The following LLPH variants were observed in gnomAD, a reference collection of about 807,000 sequenced individuals.
LLPH encodes the protein LLP homolog, long-term synaptic facilitation factor.
A neutral mutation model predicts 13.3 loss-of-function variants in LLPH; 5 were observed. That is an observed-to-expected ratio of 0.38 (90% CI 0.20 to 0.79). The LOEUF (loss-of-function observed/expected upper bound fraction) is 0.79, where lower values mean the gene tolerates loss of function less well. LLPH is among the 30% of genes least tolerant of loss of function. The probability of loss-of-function intolerance (pLI) is 0.45; values close to 1 mark genes in which losing one functional copy is unlikely to be tolerated. For missense variants in LLPH, 129 were observed against 152.1 expected, an observed-to-expected ratio of 0.85 and a Z score of 0.80; for synonymous variants, 32 against 44.2, an observed-to-expected ratio of 0.72 and a Z score of 1.09.
At position 66,119,650 on chromosome 12, in the gene LLPH, T is replaced by A. The variant is rs1340310304; in HGVS notation, c.*4190A>T. 1 of 152,242 alleles carries A rather than the reference T, an allele frequency of 6.6e-6. No homozygotes were observed. Among genetic ancestry groups the A allele is most frequent in the Non-Finnish European group, 1.5e-5 (1 of 68,044 alleles). 9.4% of individuals were successfully genotyped at this position (152,242 alleles called of 1,614,324 possible). A position where few individuals can be genotyped will look rare whatever the true frequency, so the allele number is the denominator to read the frequency against. On this transcript the variant is annotated 3_prime_UTR_variant, in exon 3 of 3. Coordinates refer to ENST00000266604, the MANE Select transcript of LLPH (RefSeq NM_032338.4). ...CCAGATGGCATCAGAAGTTAGTCAC[T>A]TAACTAGTAAGATTAGCCAACAGCT... is the stretch of plus-strand genomic sequence containing the variant.
chr12:66,124,504 T>C (rs1245878787), intron 2 of LLPH, among the ~76,000 whole-genome samples: 2 of 152,216 alleles, frequency 1.3e-5, no homozygotes, highest in Non-Finnish European at 2.9e-5. Context: ...GGACACATCC[T>C]GGGGCTGGCA....
chr12:66,128,456 G>C (rs796661507), intron 2 of LLPH, among the ~76,000 whole-genome samples: 9 of 152,232 alleles, frequency 5.9e-5, no homozygotes, highest in African/African-American at 2.2e-4. Context: ...AGGACTCATA[G>C]AATGGGAATT....
At chr12:66,125,903 T>C (rs921037726) in intron 2 of LLPH, among the ~76,000 whole-genome samples, 16 of 152,116 alleles carry the variant, frequency 1.1e-4, no homozygotes, top group Admixed American at 7.2e-4. Flanking sequence ...AGATAATACA[T>C]ACCATAAATA....
intron 1 of LLPH, among the ~76,000 whole-genome samples, chr12:66,129,390 C>T (rs201940711): frequency 6.3e-5 from 9 of 143,636 alleles, no homozygotes; most frequent in African/African-American, 1.8e-4. Context: ...TGTCTTTTTT[C>T]TTTTTTTTTT....
In LLPH at chr12:66,121,341, G is replaced by A. The variant is rs1342259388; in HGVS notation, c.*2499C>T. ...CTTCTTGCTCAGGCTGGAGTGCAAT[G>A]GTGTGGTCTTGACTCACTGCAACCT... is the stretch of plus-strand genomic sequence containing the variant. On this transcript the variant is annotated 3_prime_UTR_variant, in exon 3 of 3. Coordinates refer to ENST00000266604, the MANE Select transcript of LLPH (RefSeq NM_032338.4). The A allele has an allele frequency of 6.9e-6, 1 of 143,908 alleles. No individual in the cohort carries two copies. The highest frequency in any genetic ancestry group is 1.5e-5 in the Non-Finnish European group (1 of 67,198). 8.9% of individuals were successfully genotyped at this position (143,908 alleles called of 1,614,324 possible). A position where few individuals can be genotyped will look rare whatever the true frequency, so the allele number is the denominator to read the frequency against.
chr12:66,123,506 T>A lies in LLPH; in HGVS notation c.*334A>T, dbSNP rs2136827690. 1 of 229,252 alleles carries A rather than the reference T, an allele frequency of 4.4e-6. No individual in the cohort carries two copies. Among genetic ancestry groups the A allele is most frequent in the Middle Eastern group, 1.6e-3 (1 of 630 alleles). 14.2% of individuals were successfully genotyped at this position (229,252 alleles called of 1,614,324 possible). A position where few individuals can be genotyped will look rare whatever the true frequency, so the allele number is the denominator to read the frequency against. ...TTCACAAAAATTTGTCAGTACATCA[T>A]CTGTTTTATCTCTATTGACTATAAT... On this transcript the variant is annotated 3_prime_UTR_variant, in exon 3 of 3. Transcript: ENST00000266604.
At chr12:66,128,579 C>T (rs12825992) in intron 2 of LLPH, among the ~76,000 whole-genome samples, 11,664 of 152,136 alleles carry the variant, frequency 0.077, 1,026 homozygotes, top group East Asian at 0.51. Flanking sequence ...ACTGTTTATT[C>T]CTGAGACATG....
chr12:66,121,083 CT>C lies in LLPH; in HGVS notation c.*2756del, dbSNP rs921932536. On this transcript the variant is annotated 3_prime_UTR_variant, in exon 3 of 3. Transcript: ENST00000266604. ...TCAAGTTAAATCCTGAATGGACAAA[CT>C]TCATGACTGGACACAATGAAGTGAA... 84 of 152,250 alleles carry C rather than the reference CT, an allele frequency of 5.5e-4. No homozygotes were observed. The highest frequency in any genetic ancestry group is 1.8e-3 in the African/African-American group (75 of 41,536). The allele number at this position is 152,250 out of a possible 1,614,324, so 9.4% of individuals were successfully genotyped here.
At chr12:66,127,575 T>G (rs1205164917) in intron 2 of LLPH, among the ~76,000 whole-genome samples, 2 of 152,182 alleles carry the variant, frequency 1.3e-5, no homozygotes, top group African/African-American at 4.8e-5. Context: ...GAAAGTGTTT[T>G]GGAACTAGAG....
At chr12:66,125,631 A>C (rs369437430) in intron 2 of LLPH, among the ~76,000 whole-genome samples, 21 of 152,280 alleles carry the variant, frequency 1.4e-4, no homozygotes, top group African/African-American at 5.1e-4. Context: ...AGGAAAAAAA[A>C]AGACTTAACA....
chr12:66,123,694 G>A lies in LLPH; in HGVS notation c.*146C>T. ...TCCCAAAACAAACTTGAGGAGTTATGCTGGGTTTGAATTGAAGAAAAAAGG... is the reference window on the plus strand; with the variant it reads ...TCCCAAAACAAACTTGAGGAGTTATACTGGGTTTGAATTGAAGAAAAAAGG... On this transcript the variant is annotated 3_prime_UTR_variant, in exon 3 of 3. Transcript: ENST00000266604. 1.4e-6 allele frequency: 1 copy of A among 736,402 alleles called. No homozygotes were observed. Among genetic ancestry groups the A allele is most frequent in the Non-Finnish European group, 2.2e-6 (1 of 451,318 alleles). 45.6% of individuals were successfully genotyped at this position (736,402 alleles called of 1,614,324 possible).
At chr12:66,124,163 G>C in intron 2 of LLPH, 145 bp from the exon 3 acceptor site, 1 of 581,232 alleles carries the variant, frequency 1.7e-6, no homozygotes, top group Middle Eastern at 4.4e-4. Flanking sequence ...AAAGAATGTT[G>C]GCATGACTGT....
In LLPH at chr12:66,120,609, C is replaced by G. The variant is rs896314150; in HGVS notation, c.*3231G>C. ...CTTAAAACACAAAAAGTGTTACATT[C>G]AATTCCTAATGTGATTTAGCTCACT... On this transcript the variant is annotated 3_prime_UTR_variant, in exon 3 of 3. Coordinates refer to ENST00000266604, the MANE Select transcript of LLPH (RefSeq NM_032338.4). 4 of 152,154 alleles carry G rather than the reference C, an allele frequency of 2.6e-5. No individual in the cohort carries two copies. In the East Asian group the frequency reaches 5.8e-4, roughly 22 times the overall value. The allele number at this position is 152,154 out of a possible 1,614,324, so 9.4% of individuals were successfully genotyped here.
intron 1 of LLPH, among the ~76,000 whole-genome samples, chr12:66,129,566 TA>T (rs1162876753): frequency 6.6e-6 from 1 of 152,058 alleles, no homozygotes; most frequent in Non-Finnish European, 1.5e-5. Context: ...TTTGTATTTT[TA>T]GTAGAGACGG....
In LLPH at chr12:66,122,595, A is replaced by G. The variant is rs2051469984; in HGVS notation, c.*1245T>C. On this transcript the variant is annotated 3_prime_UTR_variant, in exon 3 of 3. Transcript: ENST00000266604. Reference sequence around the variant, plus strand: ...TTGCTTAACTAAAAGTAAAATAAAAATGAATTTAGCAAACTGTAGTAAGAC... The same window carrying G: ...TTGCTTAACTAAAAGTAAAATAAAAGTGAATTTAGCAAACTGTAGTAAGAC... 6.6e-6 allele frequency: 1 copy of G among 152,222 alleles called. No individual in the cohort carries two copies. The highest frequency in any genetic ancestry group is 6.5e-5 in the Admixed American group (1 of 15,288). The allele number at this position is 152,222 out of a possible 1,614,324, so 9.4% of individuals were successfully genotyped here.
At position 66,123,225 on chromosome 12, in the gene LLPH, G is replaced by A. The variant is rs2051474933; in HGVS notation, c.*615C>T. The A allele has an allele frequency of 6.6e-6, 1 of 152,066 alleles. No homozygotes were observed. The highest frequency in any genetic ancestry group is 1.5e-5 in the Non-Finnish European group (1 of 68,114). 9.4% of individuals were successfully genotyped at this position (152,066 alleles called of 1,614,324 possible). A position where few individuals can be genotyped will look rare whatever the true frequency, so the allele number is the denominator to read the frequency against. On this transcript the variant is annotated 3_prime_UTR_variant, in exon 3 of 3. Coordinates refer to ENST00000266604, the MANE Select transcript of LLPH (RefSeq NM_032338.4). ...GGCTCACTGCAACCTCCATCTCCTG[G>A]GTTCAAGCAATTATCCTGCCTCAGC...
chr12:66,126,803 CGCCT>C (rs1391172715), intron 2 of LLPH, among the ~76,000 whole-genome samples: 1 of 151,638 alleles, frequency 6.6e-6, no homozygotes, highest in Non-Finnish European at 1.5e-5. Flanking sequence ...TGGTGGCACA[CGCCT>C]GTATTCCCAG....
rs1312442924 is a variant in LLPH at position 66,123,193 on chromosome 12, C to T, written c.*647G>A. 2.0e-5 allele frequency: 3 copies of T among 151,296 alleles called. No individual in the cohort carries two copies. The highest frequency in any genetic ancestry group is 2.9e-5 in the Non-Finnish European group (2 of 67,954). 9.4% of individuals were successfully genotyped at this position (151,296 alleles called of 1,614,324 possible). On this transcript the variant is annotated 3_prime_UTR_variant, in exon 3 of 3. Coordinates refer to ENST00000266604, the MANE Select transcript of LLPH (RefSeq NM_032338.4). ...TTGCCCAGGGTGGAGTGCAGTGGGG[C>T]AATCTTGGCTCACTGCAACCTCCAT...
In LLPH at chr12:66,120,917, T is replaced by C. The variant is rs1358323338; in HGVS notation, c.*2923A>G. ...TTGCTGGTAGTGTTCAGGAACTCAG[T>C]GCCTTAGAGGGTACTGACAACACTG... On this transcript the variant is annotated 3_prime_UTR_variant, in exon 3 of 3. Transcript: ENST00000266604. The C allele has an allele frequency of 6.6e-6, 1 of 152,240 alleles. No homozygotes were observed. The highest frequency in any genetic ancestry group is 1.9e-4 in the East Asian group (1 of 5,206). The allele number at this position is 152,240 out of a possible 1,614,324, so 9.4% of individuals were successfully genotyped here.
Sources: allele counts gnomAD v4.1 joint callset (sites outside exome capture counted in the v4.1 genomes callset), GRCh38; gene constraint gnomAD v4.1.1; transcripts MANE v1.5; gene names NCBI Gene and HGNC (gene_info 2026-07-23, HGNC 2026-07-21).